Variants in UNC5B observed in about 807,000 individuals in gnomAD.
The protein encoded by UNC5B is unc-5 netrin receptor B.
A neutral mutation model predicts 103.7 loss-of-function variants in UNC5B; 56 were observed. That is an observed-to-expected ratio of 0.54 (90% CI 0.44 to 0.67). The LOEUF (loss-of-function observed/expected upper bound fraction) is 0.67. UNC5B is among the 30% of genes least tolerant of loss of function. UNC5B has a pLI of 0.00. For missense variants in UNC5B, 1,194 were observed against 1,284.5 expected (o/e 0.93, Z 1.08); for synonymous variants, 577 against 542.0 (o/e 1.06, Z -0.90).
chr10:71,231,803 C>G (rs1478311009), intron 1 of UNC5B, among the ~76,000 whole-genome samples: 3 of 152,168 alleles, frequency 2.0e-5, no homozygotes, highest in African/African-American at 7.2e-5. Flanking sequence ...CATTCTCAAC[C>G]TTAGCTGGAC....
intron 2 of UNC5B, among the ~76,000 whole-genome samples, chr10:71,282,989 A>G (rs898958334): frequency 6.6e-6 from 1 of 152,158 alleles, no homozygotes; most frequent in African/African-American, 2.4e-5. Context: ...GCGTGGTGGC[A>G]GGCGCCTGTA....
rs185296275 is a variant in UNC5B at position 71,272,572 on chromosome 10, C to G, written c.80-7249C>G. Reference sequence around the variant, plus strand: ...CCCAAGCCTTCACCCACAACCCTGCCGTGGCTGTGCTGTCTTTCTGGGCCC... The same window carrying G: ...CCCAAGCCTTCACCCACAACCCTGCGGTGGCTGTGCTGTCTTTCTGGGCCC... On this transcript the variant is annotated intron_variant, in intron 1 of 16. Coordinates refer to ENST00000335350, the MANE Select transcript of UNC5B (RefSeq NM_170744.5). Among the ~76,000 whole-genome samples the G allele has an allele frequency of 1.8e-4, 28 of 152,340 alleles. No homozygotes were observed. In the East Asian group the frequency reaches 4.2e-3, roughly 23 times the overall value.
intron 1 of UNC5B, among the ~76,000 whole-genome samples, chr10:71,269,036 G>A (rs988978284): frequency 6.6e-6 from 1 of 152,168 alleles, no homozygotes; most frequent in Non-Finnish European, 1.5e-5. Context: ...GCTGGTGGGG[G>A]GAGACAGAGA....
chr10:71,282,827 A>G (rs1304039248), intron 2 of UNC5B, among the ~76,000 whole-genome samples: 3 of 152,036 alleles, frequency 2.0e-5, no homozygotes, highest in Non-Finnish European at 4.4e-5. Context: ...TCCAGAGAGG[A>G]GTTGTGGGGC....
rs371904820 is a variant in UNC5B at position 71,228,747 on chromosome 10, A to C, written c.79+15683A>C. ...GGGCTTGAGCACCCGAGGGGCACCC[A>C]CGGGGCCTCCTCTGTGCCCACCTTG... On this transcript the variant is annotated intron_variant, in intron 1 of 16. Coordinates refer to ENST00000335350, the MANE Select transcript of UNC5B (RefSeq NM_170744.5). Among the ~76,000 whole-genome samples the C allele has an allele frequency of 1.8e-4, 28 of 152,364 alleles. 1 individual carries two copies. The highest frequency in any genetic ancestry group is 6.7e-4 in the African/African-American group (28 of 41,594).
chr10:71,271,280 G>C (rs563315435), intron 1 of UNC5B, among the ~76,000 whole-genome samples: 1 of 152,236 alleles, frequency 6.6e-6, no homozygotes, highest in East Asian at 1.9e-4. Context: ...CAGCTTCGCA[G>C]GGTCATTGTG....
chr10:71,225,777 G>A (rs17099), intron 1 of UNC5B, among the ~76,000 whole-genome samples: 114,171 of 152,150 alleles, frequency 0.75, 43,021 homozygotes, highest in East Asian at 0.86. Flanking sequence ...TGAGACGTAA[G>A]TGCCAAGGCA....
chr10:71,286,953 G>C, intron 5 of UNC5B, 84 bp downstream of exon 5: 1 of 1,534,824 alleles, frequency 6.5e-7, no homozygotes, highest in South Asian at 1.2e-5. Context: ...CCCTGGATTG[G>C]TAGGGAGGAT....
At position 71,300,432 on chromosome 10, in the gene UNC5B, C is replaced by T. The variant is rs1160947979; in HGVS notation, c.*1155C>T. ...CCAGTCTGGTTTTGGTCTGGTGGCT[C>T]CTAGAAAGGGATGTGGCCCAGAAGT... is the stretch of plus-strand genomic sequence containing the variant. On this transcript the variant is annotated 3_prime_UTR_variant, in exon 17 of 17. Coordinates refer to ENST00000335350, the MANE Select transcript of UNC5B (RefSeq NM_170744.5). The T allele has an allele frequency of 6.6e-6, 1 of 152,166 alleles. No individual in the cohort carries two copies. The highest frequency in any genetic ancestry group is 1.5e-5 in the Non-Finnish European group (1 of 68,074). The allele number at this position is 152,166 out of a possible 1,614,324, so 9.4% of individuals were successfully genotyped here.
In UNC5B at chr10:71,291,690, A is replaced by C; in HGVS notation, c.1553A>C (p.Asp518Ala). 1.2e-6 allele frequency: 2 copies of C among 1,613,350 alleles called. No individual in the cohort carries two copies. Among genetic ancestry groups the C allele is most frequent in the Admixed American group, 3.3e-5 (2 of 60,012 alleles). Residue 518 changes from aspartate to alanine, a missense_variant, in exon 10 of 17, where the codon GAC becomes GCC. Physicochemically the swap from Asp to Ala is moderately radical, Grantham distance 126. Coordinates refer to ENST00000335350, the MANE Select transcript of UNC5B (RefSeq NM_170744.5). ...PGTYPSDFAR[D>A]THFLHLRSAS... ...ACATACCCTAGCGATTTCGCCCGGGACACCCACTTCCTGCACCTGCGCAGC... is the reference window on the plus strand; with the variant it reads ...ACATACCCTAGCGATTTCGCCCGGGCCACCCACTTCCTGCACCTGCGCAGC...
rs1028911151 is a variant in UNC5B, at chr10:71,299,768, A to G, written c.*491A>G. 6.5e-6 allele frequency: 1 copy of G among 152,852 alleles called. No homozygotes were observed. 9.5% of individuals were successfully genotyped at this position (152,852 alleles called of 1,614,324 possible). On this transcript the variant is annotated 3_prime_UTR_variant, in exon 17 of 17. Coordinates refer to ENST00000335350, the MANE Select transcript of UNC5B (RefSeq NM_170744.5). ...CAGACAAACTGCTTTCTCCTGTCCA[A>G]AAGCAAAAAGGCAAAGGAAAGAAAG... is the stretch of plus-strand genomic sequence containing the variant.
chr10:71,288,213 A>T (rs953900879), intron 6 of UNC5B, among the ~76,000 whole-genome samples: 2 of 152,004 alleles, frequency 1.3e-5, no homozygotes, highest in Non-Finnish European at 2.9e-5. Context: ...ACCCCCGCAC[A>T]TGTGCTGTGT....
rs116070704 is a variant in UNC5B, at chr10:71,266,034, G to A, written c.80-13787G>A. Among the ~76,000 whole-genome samples the A allele has an allele frequency of 5.7e-3, 862 of 152,256 alleles. 7 individuals carry two copies. Among genetic ancestry groups the A allele is most frequent in the African/African-American group, 0.02 (823 of 41,536 alleles). On this transcript the variant is annotated intron_variant, in intron 1 of 16. Coordinates refer to ENST00000335350, the MANE Select transcript of UNC5B (RefSeq NM_170744.5). ...CCCACTGAACTGGTGGCCCAAAAGT[G>A]TTCTGGTATTTCCTGTCACTAGGCC...
intron 1 of UNC5B, among the ~76,000 whole-genome samples, chr10:71,256,614 G>A (rs920334456): frequency 6.6e-6 from 1 of 152,216 alleles, no homozygotes; most frequent in African/African-American, 2.4e-5. Flanking sequence ...GCGTGCAGAG[G>A]GTGGCACTTC....
In UNC5B at chr10:71,285,401, G is replaced by A. The variant is rs138539665; in HGVS notation, c.524G>A (p.Arg175His). 2.8e-4 allele frequency: 451 copies of A among 1,605,240 alleles called. No homozygotes were observed. The highest frequency in any genetic ancestry group is 3.3e-4 in the Middle Eastern group (2 of 6,072). Residue 175 changes from arginine (R) to histidine (H), a missense_variant, in exon 4 of 17, where the codon CGC becomes CAC. Transcript: ENST00000335350. The stretch of plus-strand genomic sequence containing the variant: ...GACCATGAGGTTCTCCTGCAGTGCC[G>A]CCCGCCGGAGGGGGTGCCTGTGGCC... ...PLDHEVLLQCRPPEGVPVAEV... is the reference protein window; with the variant it reads ...PLDHEVLLQCHPPEGVPVAEV...
At chr10:71,292,201 A>T (rs1845283473) in intron 10 of UNC5B, among the ~76,000 whole-genome samples, 1 of 152,180 alleles carries the variant, frequency 6.6e-6, no homozygotes, top group African/African-American at 2.4e-5. Flanking sequence ...CCAGCATCAT[A>T]TACTAAGCTA....
intron 1 of UNC5B, among the ~76,000 whole-genome samples, chr10:71,225,208 A>T (rs1056354887): frequency 3.3e-5 from 5 of 152,224 alleles, no homozygotes; most frequent in Admixed American, 6.5e-5. Flanking sequence ...GTTGAATGCC[A>T]GGTAGGGCCA....
chr10:71,253,448 A>G (rs567508547), intron 1 of UNC5B, among the ~76,000 whole-genome samples: 1 of 152,240 alleles, frequency 6.6e-6, no homozygotes, highest in African/African-American at 2.4e-5. Context: ...CTCCTCGTCC[A>G]TTGCCCTGGA....
In UNC5B at chr10:71,255,080, A is replaced by G. The variant is rs192925598; in HGVS notation, c.80-24741A>G. On this transcript the variant is annotated intron_variant, in intron 1 of 16. Coordinates refer to ENST00000335350, the MANE Select transcript of UNC5B (RefSeq NM_170744.5). Reference sequence around the variant, plus strand: ...TCATGCTCAGGCCTCTACACTTAACATTATTCCATGAATCTTTCTCGTATA... The same window carrying G: ...TCATGCTCAGGCCTCTACACTTAACGTTATTCCATGAATCTTTCTCGTATA... Among the ~76,000 whole-genome samples the G allele has an allele frequency of 1.3e-3, 194 of 152,322 alleles. 1 individual carries two copies. The highest frequency in any genetic ancestry group is 4.4e-3 in the African/African-American group (182 of 41,568).
Sources: allele counts gnomAD v4.1 joint callset (sites outside exome capture counted in the v4.1 genomes callset), GRCh38; gene constraint gnomAD v4.1.1; transcripts MANE v1.5; gene names NCBI Gene and HGNC (gene_info 2026-07-23, HGNC 2026-07-21).